CFAP70: variants seen among roughly 807,000 people sequenced by gnomAD.
CFAP70 encodes cilia and flagella associated protein 70.
A neutral mutation model predicts 137.6 loss-of-function variants in CFAP70; 81 were observed. That is an observed-to-expected ratio of 0.59 (90% CI 0.49 to 0.71). CFAP70 has a LOEUF of 0.71. Ranked by LOEUF, CFAP70 falls within the 30% of genes least tolerant of loss-of-function variation. The pLI is 0.00. For missense variants in CFAP70, 976 were observed against 1,226.7 expected, an observed-to-expected ratio of 0.80 and a Z score of 3.05; for synonymous variants, 382 against 423.6, an observed-to-expected ratio of 0.90 and a Z score of 1.20.
intron 8 of CFAP70, among the ~76,000 whole-genome samples, chr10:73,324,782 G>C (rs2051231356): frequency 6.6e-6 from 1 of 152,096 alleles, no homozygotes; most frequent in South Asian, 2.1e-4. Flanking sequence ...GGGAAGTTTA[G>C]AGAAAAAAGA....
chr10:73,354,599 T>C, intron 2 of CFAP70, 135 bp downstream of exon 2: 1 of 709,390 alleles, frequency 1.4e-6, no homozygotes, highest in Non-Finnish European at 2.5e-6. Context: ...AGACTAACAA[T>C]AAGGAACACT....
chr10:73,291,154 A>T, intron 19 of CFAP70, 72 bp downstream of exon 20: 1 of 1,363,010 alleles, frequency 7.3e-7, no homozygotes, highest in Non-Finnish European at 1.0e-6. Context: ...TGCTAGGACT[A>T]CAGGTGTGAG....
chr10:73,358,654 C>T (rs1048283635), intron 1 of CFAP70, 124 bp downstream of exon 1: 1 of 152,576 alleles, frequency 6.6e-6, no homozygotes, highest in Non-Finnish European at 1.5e-5. Context: ...GGTGTGGCCG[C>T]AGGGCTGAGG....
rs1218567867 is a variant in CFAP70 at position 73,341,520 on chromosome 10, AC to A, written c.460del (p.Val154PhefsTer52). On this transcript the variant is annotated frameshift_variant, in exon 6 of 27. Transcript: ENST00000310715. LOFTEE classifies it high-confidence loss of function. ...AATTGGCCACTTTTTGGGCCGGGGAACAGGTTCCCTTTCCCCTCCAAGCTTC... is the reference window on the plus strand; with the variant it reads ...AATTGGCCACTTTTTGGGCCGGGGAAAGGTTCCCTTTCCCCTCCAAGCTTC... 2 of 1,614,168 alleles carry A rather than the reference AC, an allele frequency of 1.2e-6. No individual in the cohort carries two copies. The highest frequency in any genetic ancestry group is 2.2e-5 in the South Asian group (2 of 91,084).
chr10:73,314,994 G>C (rs1016862704), intron 9 of CFAP70, among the ~76,000 whole-genome samples: 1 of 151,250 alleles, frequency 6.6e-6, no homozygotes, highest in Non-Finnish European at 1.5e-5. Flanking sequence ...CAGGAGGATC[G>C]TTTGAGCCCA....
chr10:73,345,400 TG>T (rs2053621958), intron 4 of CFAP70, among the ~76,000 whole-genome samples, 156 bp from the exon 6 acceptor site: 1 of 152,162 alleles, frequency 6.6e-6, no homozygotes, highest in South Asian at 2.1e-4. Context: ...TCCCATGAGT[TG>T]GAGATAGAGC....
intron 8 of CFAP70, among the ~76,000 whole-genome samples, chr10:73,330,449 C>CAAA (rs745806193): frequency 2.9e-5 from 2 of 69,106 alleles, no homozygotes; most frequent in Non-Finnish European, 3.5e-5. Flanking sequence ...GACTCCATCA[C>CAAA]AAAAAAAAAA....
At chr10:73,258,765 C>A (rs1038615271) in intron 25 of CFAP70, among the ~76,000 whole-genome samples, 1 of 152,168 alleles carries the variant, frequency 6.6e-6, no homozygotes, top group Non-Finnish European at 1.5e-5. Flanking sequence ...CTGGGAGTGT[C>A]TCTCTCTTAT....
chr10:73,335,672 C>A (rs1383576287), intron 6 of CFAP70, 148 bp from the exon 8 acceptor site: 3 of 464,604 alleles, frequency 6.5e-6, no homozygotes, highest in Non-Finnish European at 1.1e-5. Flanking sequence ...CAACTACTAC[C>A]ACCACCTTAA....
At chr10:73,320,501 AT>A (rs60737702) in intron 9 of CFAP70, among the ~76,000 whole-genome samples, 5 of 151,102 alleles carry the variant, frequency 3.3e-5, no homozygotes, top group East Asian at 1.9e-4. Context: ...TTAAAAAAAA[AT>A]TTTTTTTGTA....
chr10:73,253,937 C>CAG (rs774264080), exon 27 of CFAP70: 2 of 1,524,200 alleles, frequency 1.3e-6, no homozygotes, highest in African/African-American at 1.4e-5. Context: ...GAAAGGAACT[C>CAG]AGAGTCCCAT....
At chr10:73,297,106 A>T in exon 15 of CFAP70, 2 of 1,613,920 alleles carry the variant, frequency 1.2e-6, no homozygotes, top group Non-Finnish European at 1.7e-6. Context: ...AAATGTCTGA[A>T]GTTCCTCCTG....
exon 13 of CFAP70, chr10:73,299,610 G>T (rs376594674): frequency 6.2e-7 from 1 of 1,612,866 alleles, no homozygotes; most frequent in Non-Finnish European, 8.5e-7. Context: ...CTTGCCTTCT[G>T]AGCTCCTCCT....
chr10:73,323,460 C>A (rs924980476), intron 8 of CFAP70, among the ~76,000 whole-genome samples: 4 of 152,088 alleles, frequency 2.6e-5, no homozygotes, highest in African/African-American at 9.7e-5. Context: ...CTAGGGGGTG[C>A]CAGACAGTGG....
rs530972465 is a variant in CFAP70, at chr10:73,322,999, A to G, written c.876T>C (p.His292=). The G allele has an allele frequency of 1.5e-5, 25 of 1,613,728 alleles. No individual in the cohort carries two copies. The South Asian group carries it at 2.5e-4, about 16-fold the overall frequency. Reference sequence around the variant, plus strand: ...CTACACTGTCTAGGTAAGGGTAAACATGAAAAGCTCCCCGAATTCTCTTCA... The same window carrying G: ...CTACACTGTCTAGGTAAGGGTAAACGTGAAAAGCTCCCCGAATTCTCTTCA... Residue 292 remains histidine, a synonymous_variant, in exon 9 of 27, where the codon CAT becomes CAC. Transcript: ENST00000310715.
chr10:73,312,353 C>A, intron 10 of CFAP70, 120 bp downstream of exon 11: 2 of 763,762 alleles, frequency 2.6e-6, no homozygotes, highest in Non-Finnish European at 4.3e-6. Context: ...TATCCCAGAA[C>A]TTAAAGTAAA....
chr10:73,262,427 G>A (rs935879433), intron 25 of CFAP70, among the ~76,000 whole-genome samples: 1 of 152,028 alleles, frequency 6.6e-6, no homozygotes, highest in Non-Finnish European at 1.5e-5. Flanking sequence ...ACTTAATAAT[G>A]GACTCATAGC....
At chr10:73,264,984 T>A (rs1474979096) in intron 25 of CFAP70, among the ~76,000 whole-genome samples, 1 of 152,222 alleles carries the variant, frequency 6.6e-6, no homozygotes, top group Non-Finnish European at 1.5e-5. Flanking sequence ...CTGTAGAATC[T>A]ACTCTCATTA....
intron 9 of CFAP70, among the ~76,000 whole-genome samples, chr10:73,316,481 GATATAGATATATAT>G (rs1281680102): frequency 1.9e-5 from 2 of 106,536 alleles, no homozygotes; most frequent in African/African-American, 7.1e-5. Flanking sequence ...TATATATATA[GATATAGATATATAT>G]ATATATATAT....
Sources: allele counts gnomAD v4.1 joint callset (sites outside exome capture counted in the v4.1 genomes callset), GRCh38; gene constraint gnomAD v4.1.1; transcripts MANE v1.5; gene names NCBI Gene and HGNC (gene_info 2026-07-23, HGNC 2026-07-21).